LEPROTL1: variants seen among roughly 807,000 people sequenced by gnomAD.
The protein encoded by LEPROTL1 is leptin receptor overlapping transcript like 1.
In LEPROTL1, 6 loss-of-function variants were observed where a neutral mutation model predicts 15.4. The ratio of observed to expected loss-of-function variants is 0.39; its 90% CI spans 0.21 to 0.77. The LOEUF is 0.77. LEPROTL1 is among the 30% of genes least tolerant of loss of function. The probability of loss-of-function intolerance (pLI) is 0.41; values close to 1 mark genes in which losing one functional copy is unlikely to be tolerated. For synonymous variants in LEPROTL1, 56 were observed against 52.6 expected, an observed-to-expected ratio of 1.06 and a Z score of -0.28; for missense variants, 128 against 158.1, an observed-to-expected ratio of 0.81 and a Z score of 1.02.
At chr8:30,098,489 G>A (rs561665437) in intron 1 of LEPROTL1, among the ~76,000 whole-genome samples, 26 of 152,242 alleles carry the variant, frequency 1.7e-4, no homozygotes, top group African/African-American at 6.0e-4. Context: ...CTTTTTAGTG[G>A]CCTTTGTTTT....
chr8:30,112,401 ATTTTTTTTTTTTTT>A (rs10684450), downstream of LEPROTL1, among the ~76,000 whole-genome samples: 34 of 27,898 alleles, frequency 1.2e-3, 1 homozygote, highest in South Asian at 9.2e-3. Flanking sequence ...TGCCCAGCTA[ATTTTTTTTTTTTTT>A]TTTTTTTTTT....
chr8:30,102,068 G>A, intron 2 of LEPROTL1, 95 bp downstream of exon 2: 3 of 667,194 alleles, frequency 4.5e-6, no homozygotes, highest in Non-Finnish European at 7.6e-6. Flanking sequence ...TAAAAGTAAT[G>A]CAGAGAAATG....
At chr8:30,098,249 A>G (rs1442177858) in intron 1 of LEPROTL1, among the ~76,000 whole-genome samples, 1 of 152,222 alleles carries the variant, frequency 6.6e-6, no homozygotes, top group Non-Finnish European at 1.5e-5. Flanking sequence ...ATTACTTTTG[A>G]TAAGAGAAAG....
Position 30,118,620 on chromosome 8 carries a change from G to A in LEPROTL1, c.280-13755G>A, listed in dbSNP as rs189365787. ...AATTAAGACACAGAGACAAAGTATA[G>A]AGTTAGAACAGTGGGCCCAGGAGAC... is the stretch of plus-strand genomic sequence containing the variant. On this transcript the variant is annotated intron_variant, in intron 3 of 4. Transcript: ENST00000442880. Among the ~76,000 whole-genome samples the A allele has an allele frequency of 6.4e-3, 970 of 152,304 alleles. 9 individuals carry two copies. Among genetic ancestry groups the A allele is most frequent in the Non-Finnish European group, 9.2e-3 (628 of 68,030 alleles).
At chr8:30,132,797 T>C (rs1268685849) in intron 4 of LEPROTL1, 1 of 1,551,780 alleles carries the variant, frequency 6.4e-7, no homozygotes, top group Admixed American at 2.0e-5. Context: ...AAAGAGCTCC[T>C]GCTCCTGAAG....
rs564057025 is a variant in LEPROTL1 at position 30,107,607 on chromosome 8, G to A, written c.*1745G>A. 2.0e-6 allele frequency: 2 copies of A among 985,774 alleles called. No homozygotes were observed. The highest frequency in any genetic ancestry group is 1.7e-5 in the African/African-American group (1 of 57,330). The allele number at this position is 985,774 out of a possible 1,614,324, so 61.1% of individuals were successfully genotyped here. On this transcript the variant is annotated 3_prime_UTR_variant, in exon 4 of 4. Transcript: ENST00000321250. ...ATGACGGGAAGCAGGACGAAATATCGGCGTGTGGCTGGAGCCTTCCCACTG... is the reference window on the plus strand; with the variant it reads ...ATGACGGGAAGCAGGACGAAATATCAGCGTGTGGCTGGAGCCTTCCCACTG...
intron 4 of LEPROTL1, among the ~76,000 whole-genome samples, chr8:30,133,783 T>C (rs1285715783): frequency 1.5e-5 from 1 of 67,440 alleles, no homozygotes; most frequent in African/African-American, 4.8e-5. Flanking sequence ...AGTGAGACCC[T>C]GTCTCAAAAA....
intron 3 of LEPROTL1, chr8:30,131,862 A>G: frequency 6.9e-7 from 1 of 1,441,312 alleles, no homozygotes; most frequent in Admixed American, 2.8e-5. Context: ...GGAAAAGTTC[A>G]AATGTATGCA....
downstream of LEPROTL1, among the ~76,000 whole-genome samples, chr8:30,110,649 G>A (rs1387836307): frequency 2.0e-5 from 3 of 151,938 alleles, no homozygotes; most frequent in East Asian, 3.9e-4. Flanking sequence ...CAGTAGAATC[G>A]CTTGAACCCA....
At position 30,132,640 on chromosome 8, in the gene LEPROTL1, G is replaced by A. The variant is rs140014094; in HGVS notation, c.394+151G>A. The A allele has an allele frequency of 6.8e-4, 1,061 of 1,551,804 alleles. No homozygotes were observed. Among genetic ancestry groups the A allele is most frequent in the Non-Finnish European group, 8.8e-4 (1,009 of 1,147,012 alleles). On this transcript the variant is annotated intron_variant, in intron 4 of 4. Transcript: ENST00000442880. ...AATCTGCAGACCCCTCCAGCTCAGAGCCCAGAAAGAGTGTCTGGGATGCAA... is the reference window on the plus strand; with the variant it reads ...AATCTGCAGACCCCTCCAGCTCAGAACCCAGAAAGAGTGTCTGGGATGCAA...
chr8:30,112,401 A>ATTTTT (rs10684450), downstream of LEPROTL1, among the ~76,000 whole-genome samples: 553 of 27,832 alleles, frequency 0.02, 43 homozygotes, highest in Admixed American at 0.043. Flanking sequence ...TGCCCAGCTA[A>ATTTTT]TTTTTTTTTT....
chr8:30,115,937 T>C (rs1448585109), intron 3 of LEPROTL1, among the ~76,000 whole-genome samples: 3 of 152,128 alleles, frequency 2.0e-5, no homozygotes, highest in Non-Finnish European at 4.4e-5. Flanking sequence ...CCTTCTAAAA[T>C]GTAATTTGGT....
In LEPROTL1 at chr8:30,106,156, T is replaced by C; in HGVS notation, c.*294T>C. On this transcript the variant is annotated 3_prime_UTR_variant, in exon 4 of 4. Coordinates refer to ENST00000321250, the MANE Select transcript of LEPROTL1 (RefSeq NM_015344.3). ...TGTGTTTTTCCTGTTAGGTTGATTT[T>C]TTTTGGAATCAATATGCAATGTTAA... 1 of 998,354 alleles carries C rather than the reference T, an allele frequency of 1.0e-6. No individual in the cohort carries two copies. The highest frequency in any genetic ancestry group is 1.2e-6 in the Non-Finnish European group (1 of 838,036). The allele number at this position is 998,354 out of a possible 1,614,324, so 61.8% of individuals were successfully genotyped here.
At chr8:30,134,312 A>G (rs1803091598) in intron 4 of LEPROTL1, among the ~76,000 whole-genome samples, 4 of 151,824 alleles carry the variant, frequency 2.6e-5, no homozygotes, top group Admixed American at 2.0e-4. Flanking sequence ...AGTCCTAGCT[A>G]CTCGGGAGGC....
chr8:30,104,657 T>C (rs1056644615), intron 3 of LEPROTL1, 171 bp downstream of exon 3: 2 of 437,348 alleles, frequency 4.6e-6, no homozygotes, highest in Non-Finnish European at 8.0e-6. Flanking sequence ...AAAAGTGATA[T>C]TGGAGAACGT....
chr8:30,128,238 C>T (rs1802936822), intron 3 of LEPROTL1, among the ~76,000 whole-genome samples: 1 of 152,042 alleles, frequency 6.6e-6, no homozygotes, highest in South Asian at 2.1e-4. Flanking sequence ...CTACTACTGT[C>T]CAGAGAAATG....
At chr8:30,117,850 A>G in intron 3 of LEPROTL1, 1 of 605,112 alleles carries the variant, frequency 1.7e-6, no homozygotes. Context: ...TAAAATCTGA[A>G]AGTTAGCAGA....
chr8:30,123,691 C>G (rs941323772), intron 3 of LEPROTL1, among the ~76,000 whole-genome samples: 3 of 152,164 alleles, frequency 2.0e-5, no homozygotes, highest in South Asian at 2.1e-4. Context: ...ATACTTATTC[C>G]TGCTTAGGAA....
intron 1 of LEPROTL1, among the ~76,000 whole-genome samples, chr8:30,100,442 C>A (rs1037818915): frequency 1.2e-4 from 18 of 152,092 alleles, no homozygotes; most frequent in African/African-American, 4.3e-4. Context: ...ATAAATTTAT[C>A]ATTTACTTAT....
Sources: allele counts gnomAD v4.1 joint callset (sites outside exome capture counted in the v4.1 genomes callset), GRCh38; gene constraint gnomAD v4.1.1; transcripts MANE v1.5; gene names NCBI Gene and HGNC (gene_info 2026-07-23, HGNC 2026-07-21).